The following ACOT11 variants were observed in gnomAD, a reference collection of about 807,000 sequenced individuals.
ACOT11 encodes the protein acyl-coenzyme A thioesterase 11.
A neutral mutation model predicts 77.5 loss-of-function variants in ACOT11; 69 were observed. That is an observed-to-expected ratio of 0.89 (90% CI 0.73 to 1.09). The LOEUF (loss-of-function observed/expected upper bound fraction) is 1.09, where lower values mean the gene tolerates loss of function less well. Ranked by LOEUF, ACOT11 falls within the 50% of genes least tolerant of loss-of-function variation. The pLI is 0.00. For missense variants in ACOT11, 766 were observed against 813.7 expected, an observed-to-expected ratio of 0.94 and a Z score of 0.71; for synonymous variants, 279 against 313.0, an observed-to-expected ratio of 0.89 and a Z score of 1.15.
intron 3 of ACOT11, among the ~76,000 whole-genome samples, chr1:54,590,817 C>T (rs984874964): frequency 2.6e-5 from 4 of 152,142 alleles, no homozygotes; most frequent in Non-Finnish European, 4.4e-5. Context: ...TGCAGTGGTG[C>T]GATCTTGGCT....
chr1:54,573,902 G>C (rs541175307), intron 1 of ACOT11, among the ~76,000 whole-genome samples: 1 of 151,660 alleles, frequency 6.6e-6, no homozygotes, highest in Admixed American at 6.6e-5. Context: ...GATGGCGCAT[G>C]CCTGTAATCC....
chr1:54,561,474 C>G (rs1176307199), intron 1 of ACOT11, among the ~76,000 whole-genome samples: 1 of 120,196 alleles, frequency 8.3e-6, no homozygotes, highest in Non-Finnish European at 1.7e-5. Flanking sequence ...TAGTGCAGAA[C>G]GAAATGAAAA....
In ACOT11 at chr1:54,607,164, GGAC is replaced by G; in HGVS notation, c.1406_1408del (p.Asp469del). 1 of 1,614,160 alleles carries G rather than the reference GGAC, an allele frequency of 6.2e-7. No individual in the cohort carries two copies. Among genetic ancestry groups the G allele is most frequent in the South Asian group, 1.1e-5 (1 of 91,084 alleles). The stretch of plus-strand genomic sequence containing the variant: ...TGGAGCTAGTGCAGCAGGTAGACGA[GGAC>G]GACGCCATCTACCACGTCACCAGCC... On this transcript the variant is annotated inframe_deletion, in exon 14 of 16. Coordinates refer to ENST00000343744, the MANE Select transcript of ACOT11 (RefSeq NM_147161.4). The surrounding 1 kb of genome is among the most constrained non-coding windows in gnomAD (Gnocchi z 4.5).
chr1:54,585,904 G>T lies in ACOT11; in HGVS notation c.311G>T (p.Ser104Ile), dbSNP rs779020279. The change falls in exon 3 of 16, where the codon AGT (serine) becomes ATT (isoleucine). Residue 104 changes from serine to isoleucine, a missense_variant and splice_region_variant. Ser to Ile is a moderately radical substitution (Grantham distance 142). Coordinates refer to ENST00000343744, the MANE Select transcript of ACOT11 (RefSeq NM_147161.4). ...MDDIYFEHTISVGQVVNIKAK... is the reference protein window; with the variant it reads ...MDDIYFEHTIIVGQVVNIKAK... ...GACATCTATTTTGAGCACACCATTA[G>T]GTAAGTGGCCCCTCCTGCCTCAAGG... 1.2e-6 allele frequency: 2 copies of T among 1,614,032 alleles called. No homozygotes were observed. The highest frequency in any genetic ancestry group is 2.2e-5 in the South Asian group (2 of 91,062).
chr1:54,613,040 A>G (rs962512019), downstream of ACOT11, among the ~76,000 whole-genome samples: 2 of 151,820 alleles, frequency 1.3e-5, no homozygotes, highest in African/African-American at 4.8e-5. Context: ...TGGGAATCTG[A>G]GCTCTGCCAG....
At chr1:54,578,728 A>G (rs1654198149) in intron 1 of ACOT11, among the ~76,000 whole-genome samples, 1 of 152,112 alleles carries the variant, frequency 6.6e-6, no homozygotes, top group African/African-American at 2.4e-5. Context: ...AATGAACAAC[A>G]AGCATATTGT....
At chr1:54,599,237 A>G (rs57444177) in intron 7 of ACOT11, 59 bp from the exon 8 acceptor site, 40,147 of 1,113,416 alleles carry the variant, frequency 0.036, 2,022 homozygotes, top group East Asian at 0.22. Context: ...AATCTGGCCC[A>G]AACTAGTGGC....
chr1:54,635,625 T>G lies in ACOT11; in HGVS notation c.*896T>G, dbSNP rs182344301. On this transcript the variant is annotated 3_prime_UTR_variant, in exon 17 of 17. Transcript: ENST00000371316. ...GTGCTTAAAGGAGCTGCAGAAAAAT[T>G]AGCAGCTAGTAACCCATTTAAATGG... The G allele has an allele frequency of 2.6e-4, 51 of 195,184 alleles. No homozygotes were observed. The East Asian group carries it at 8.0e-3, about 31-fold the overall frequency. The allele number at this position is 195,184 out of a possible 1,614,324, so 12.1% of individuals were successfully genotyped here.
chr1:54,593,259 G>A (rs564366891), intron 4 of ACOT11, among the ~76,000 whole-genome samples: 1 of 152,060 alleles, frequency 6.6e-6, no homozygotes, highest in Non-Finnish European at 1.5e-5. Flanking sequence ...CCAGGTGCCT[G>A]TTCTTGATTT....
intron 15 of ACOT11, among the ~76,000 whole-genome samples, chr1:54,627,053 C>T (rs1644275996): frequency 7.4e-6 from 1 of 134,548 alleles, no homozygotes; most frequent in Non-Finnish European, 1.7e-5. Context: ...GACGGGGTTT[C>T]ACCATGTTGG....
At chr1:54,596,756 G>A (rs1017383281) in intron 6 of ACOT11, among the ~76,000 whole-genome samples, 1 of 152,046 alleles carries the variant, frequency 6.6e-6, no homozygotes, top group Admixed American at 6.6e-5. Context: ...TTGTATTTTA[G>A]TAGAGACAAA....
rs1456335667 is a variant in ACOT11, at chr1:54,609,428, G to C, written c.*316G>C. 3 of 1,613,774 alleles carry C rather than the reference G, an allele frequency of 1.9e-6. No homozygotes were observed. The highest frequency in any genetic ancestry group is 1.3e-5 in the African/African-American group (1 of 74,912). On this transcript the variant is annotated 3_prime_UTR_variant, in exon 16 of 16. Transcript: ENST00000343744. ...GTGCTCCACTGTGACGGTGGCCCGGGGGGAGGATGCCAGCAGCCTGCCTAT... is the reference window on the plus strand; with the variant it reads ...GTGCTCCACTGTGACGGTGGCCCGGCGGGAGGATGCCAGCAGCCTGCCTAT...
intron 15 of ACOT11, chr1:54,623,221 G>A: frequency 8.7e-7 from 1 of 1,146,434 alleles, no homozygotes; most frequent in Non-Finnish European, 1.3e-6. Flanking sequence ...GAGAAGTGGG[G>A]ATAAGGAGCG....
At chr1:54,580,726 G>A (rs1654276824) in intron 1 of ACOT11, among the ~76,000 whole-genome samples, 1 of 152,236 alleles carries the variant, frequency 6.6e-6, no homozygotes, top group African/African-American at 2.4e-5. Flanking sequence ...TCTGTCTGAT[G>A]GGGGTGGCAA....
At chr1:54,561,270 C>A in intron 1 of ACOT11, among the ~76,000 whole-genome samples, 1 of 110,288 alleles carries the variant, frequency 9.1e-6, no homozygotes, top group African/African-American at 3.8e-5. Context: ...TGTTTGTGTC[C>A]CTGATTACTT....
Position 54,609,422 on chromosome 1 carries a change from G to GC in ACOT11, c.*313dup. On this transcript the variant is annotated 3_prime_UTR_variant, in exon 16 of 16. Coordinates refer to ENST00000343744, the MANE Select transcript of ACOT11 (RefSeq NM_147161.4). ...TGGGTTGTGCTCCACTGTGACGGTG[G>GC]CCCGGGGGGAGGATGCCAGCAGCCT... is the stretch of plus-strand genomic sequence containing the variant. The GC allele has an allele frequency of 6.2e-7, 1 of 1,613,930 alleles. No homozygotes were observed. The highest frequency in any genetic ancestry group is 1.3e-5 in the African/African-American group (1 of 75,078).
chr1:54,566,450 G>A (rs146991783), intron 1 of ACOT11, among the ~76,000 whole-genome samples: 2,251 of 118,076 alleles, frequency 0.019, 63 homozygotes, highest in African/African-American at 0.085. Flanking sequence ...GAGCAAGACT[G>A]TCTCAAAAAA....
Position 54,596,046 on chromosome 1 carries a change from G to A in ACOT11, c.608-1213G>A, listed in dbSNP as rs1654886869. ...CCTTTGATCCATCCATCCCCTTGCA[G>A]CCCTCCTAAATCTCTTCTGTCCTAA... On this transcript the variant is annotated intron_variant, in intron 6 of 15. Transcript: ENST00000343744. Among the ~76,000 whole-genome samples, 3 of 152,170 alleles carry A rather than the reference G, an allele frequency of 2.0e-5. No individual in the cohort carries two copies. In the South Asian group the frequency reaches 6.2e-4, roughly 32 times the overall value.
At position 54,601,336 on chromosome 1, in the gene ACOT11, A is replaced by G. The variant is rs374322786; in HGVS notation, c.952A>G (p.Ser318Gly). The change falls in exon 9 of 16, where the codon AGT becomes GGT. Residue 318 changes from serine to glycine, a missense_variant. Ser to Gly is a moderately conservative substitution (Grantham distance 56). Coordinates refer to ENST00000343744, the MANE Select transcript of ACOT11 (RefSeq NM_147161.4). ...EAETHRRHINSAFMTFVVLDA... is the reference protein window; with the variant it reads ...EAETHRRHINGAFMTFVVLDA... ...TGAGACCCACCGGCGCCACATCAAC[A>G]GTGCCTTTATGACCTTTGTGGTCCT... 3 of 1,613,654 alleles carry G rather than the reference A, an allele frequency of 1.9e-6. No individual in the cohort carries two copies. Among genetic ancestry groups the G allele is most frequent in the Admixed American group, 1.7e-5 (1 of 59,994 alleles).
Sources: allele counts gnomAD v4.1 joint callset (sites outside exome capture counted in the v4.1 genomes callset), GRCh38; gene constraint gnomAD v4.1.1; non-coding constraint Gnocchi (gnomAD v3.1); transcripts MANE v1.5; gene names NCBI Gene and HGNC (gene_info 2026-07-23, HGNC 2026-07-21).